Variants in OSTN observed in about 807,000 individuals in gnomAD.
OSTN encodes the protein osteocrin.
A neutral mutation model predicts 12.0 loss-of-function variants in OSTN; 9 were observed. The observed-to-expected ratio is 0.75, with a 90% CI of 0.45 to 1.30. The LOEUF is 1.30. Ranked by LOEUF, OSTN falls within the 50% of genes most tolerant of loss-of-function variation. OSTN has a pLI of 0.00. For synonymous variants in OSTN, 59 were observed against 56.9 expected (o/e 1.04, Z -0.16); for missense variants, 148 against 152.3 (o/e 0.97, Z 0.15).
At chr3:191,223,327 G>A (rs918052644) in intron 3 of OSTN, among the ~76,000 whole-genome samples, 1 of 152,216 alleles carries the variant, frequency 6.6e-6, no homozygotes, top group Non-Finnish European at 1.5e-5. Context: ...TCCTGAGGAA[G>A]CTAATACATG....
intron 2 of OSTN, among the ~76,000 whole-genome samples, chr3:191,213,860 G>A (rs916534655): frequency 1.3e-5 from 2 of 151,802 alleles, no homozygotes; most frequent in African/African-American, 4.8e-5. Context: ...GAGGATGCTT[G>A]GAAAGATAAA....
chr3:191,262,931 T>G lies in OSTN; in HGVS notation c.*78T>G, dbSNP rs1715845048. On this transcript the variant is annotated 3_prime_UTR_variant, in exon 5 of 5. Coordinates refer to ENST00000682035, the MANE Select transcript of OSTN (RefSeq NM_198184.2). ...ATGCTTCACTGAAGTTATTCACACTTCTTAATGATTAAACTTTTAAGGAAC... is the reference window on the plus strand; with the variant it reads ...ATGCTTCACTGAAGTTATTCACACTGCTTAATGATTAAACTTTTAAGGAAC... 1.4e-6 allele frequency: 1 copy of G among 700,206 alleles called. No homozygotes were observed. The highest frequency in any genetic ancestry group is 1.7e-5 in the African/African-American group (1 of 57,240). The allele number at this position is 700,206 out of a possible 1,614,324, so 43.4% of individuals were successfully genotyped here.
chr3:191,206,324 C>T lies in OSTN; in HGVS notation c.1-6209C>T, dbSNP rs1321487158. ...ATAAGCATATCAATTTAATTGGTAG[C>T]ATTGTTTTTTCTTAACATGTTCTTA... On this transcript the variant is annotated intron_variant, in intron 1 of 4. Transcript: ENST00000682035. 5.9e-5 allele frequency among the ~76,000 whole-genome samples: 9 copies of T among 152,148 alleles called. No individual in the cohort carries two copies. The East Asian group carries it at 1.5e-3, about 26-fold the overall frequency.
intron 4 of OSTN, among the ~76,000 whole-genome samples, chr3:191,250,952 A>T (rs1488368783): frequency 6.6e-6 from 1 of 152,174 alleles, no homozygotes; most frequent in East Asian, 1.9e-4. Context: ...TAAAGAGATC[A>T]GGCCTTATGG....
At chr3:191,221,391 A>G (rs377437480) in intron 3 of OSTN, among the ~76,000 whole-genome samples, 1 of 152,286 alleles carries the variant, frequency 6.6e-6, no homozygotes, top group East Asian at 1.9e-4. Context: ...TCAGAAGAAG[A>G]TAGGATAATA....
chr3:191,255,740 A>G (rs753336183), intron 4 of OSTN, among the ~76,000 whole-genome samples: 20 of 152,124 alleles, frequency 1.3e-4, no homozygotes, highest in Non-Finnish European at 2.5e-4. Flanking sequence ...GAAAAAAAAA[A>G]CAAAAATAAT....
intron 3 of OSTN, among the ~76,000 whole-genome samples, chr3:191,222,580 T>G (rs1714795183): frequency 6.6e-6 from 1 of 152,210 alleles, no homozygotes; most frequent in Non-Finnish European, 1.5e-5. Flanking sequence ...TTGTCTCAAA[T>G]GAACTTTGGA....
chr3:191,224,269 T>C (rs1326342047), intron 3 of OSTN, among the ~76,000 whole-genome samples: 1 of 151,122 alleles, frequency 6.6e-6, no homozygotes, highest in East Asian at 1.9e-4. Flanking sequence ...CCCAGCTACT[T>C]GGGAGGCTGA....
intron 1 of OSTN, among the ~76,000 whole-genome samples, chr3:191,208,818 G>T (rs1204379188): frequency 6.6e-6 from 1 of 152,182 alleles, no homozygotes; most frequent in Non-Finnish European, 1.5e-5. Context: ...AAAACATAAA[G>T]AATTGTAGTT....
At chr3:191,221,106 G>A (rs1044908350) in intron 3 of OSTN, among the ~76,000 whole-genome samples, 2 of 152,080 alleles carry the variant, frequency 1.3e-5, no homozygotes, top group East Asian at 1.9e-4. Flanking sequence ...TCTCCCTTTC[G>A]CTCTGCTCTT....
At chr3:191,258,004 A>G (rs1560126613) in intron 4 of OSTN, among the ~76,000 whole-genome samples, 1 of 152,232 alleles carries the variant, frequency 6.6e-6, no homozygotes. Flanking sequence ...GCCATAAGAC[A>G]GGTAAAACTC....
In OSTN at chr3:191,218,849, G is replaced by C. The variant is rs181134884; in HGVS notation, c.205G>C (p.Val69Leu). 2 of 1,614,080 alleles carry C rather than the reference G, an allele frequency of 1.2e-6. No individual in the cohort carries two copies. Among genetic ancestry groups the C allele is most frequent in the Non-Finnish European group, 1.7e-6 (2 of 1,179,986 alleles). The change falls in exon 3 of 5, where the codon GTG becomes CTG. Residue 69 changes from valine (V) to leucine (L), a missense_variant. Val to Leu is a conservative substitution (Grantham distance 32, BLOSUM62 1). Transcript: ENST00000682035. The part of the protein sequence containing the change: ...TAKLLLLDEL[V>L]SLENDVIETK... ...AAAACTCTTGCTTCTTGATGAATTG[G>C]TGTCCCTAGAAAATGATGTGATTGA...
chr3:191,262,798 T>C, intron 4 of OSTN, 68 bp from the exon 5 acceptor site: 1 of 693,536 alleles, frequency 1.4e-6, no homozygotes, highest in Non-Finnish European at 2.6e-6. Context: ...TCAAGTGAAG[T>C]TGATGGACTT....
At chr3:191,224,314 T>G (rs1222696109) in intron 3 of OSTN, among the ~76,000 whole-genome samples, 1 of 149,908 alleles carries the variant, frequency 6.7e-6, no homozygotes, top group Admixed American at 6.7e-5. Flanking sequence ...CAGCAGAGGT[T>G]GCAGTGAGCC....
At chr3:191,204,287 C>T (rs1453641340) in intron 1 of OSTN, among the ~76,000 whole-genome samples, 1 of 152,028 alleles carries the variant, frequency 6.6e-6, no homozygotes, top group African/African-American at 2.4e-5. Context: ...ATTCCCATTA[C>T]ACAATTTATT....
At chr3:191,222,538 A>AT (rs1296045124) in intron 3 of OSTN, among the ~76,000 whole-genome samples, 2 of 152,130 alleles carry the variant, frequency 1.3e-5, no homozygotes, top group Non-Finnish European at 2.9e-5. Flanking sequence ...TTTGCTTTTG[A>AT]TTTTCAGGCT....
intron 1 of OSTN, among the ~76,000 whole-genome samples, chr3:191,202,771 C>T (rs1002633073): frequency 6.6e-6 from 1 of 152,188 alleles, no homozygotes; most frequent in African/African-American, 2.4e-5. Flanking sequence ...ATATGTGCAA[C>T]TCTATTAGCT....
intron 3 of OSTN, among the ~76,000 whole-genome samples, chr3:191,227,223 G>A (rs1406935412): frequency 1.3e-5 from 2 of 152,128 alleles, no homozygotes; most frequent in African/African-American, 4.8e-5. Flanking sequence ...ATTGCCTTTA[G>A]CCATGTGAAA....
At chr3:191,255,662 T>A (rs1415695716) in intron 4 of OSTN, among the ~76,000 whole-genome samples, 1 of 151,960 alleles carries the variant, frequency 6.6e-6, no homozygotes, top group Non-Finnish European at 1.5e-5. Flanking sequence ...CAAATTTTGT[T>A]CACAAAAGTA....
Sources: allele counts gnomAD v4.1 joint callset (sites outside exome capture counted in the v4.1 genomes callset), GRCh38; gene constraint gnomAD v4.1.1; transcripts MANE v1.5; gene names NCBI Gene and HGNC (gene_info 2026-07-23, HGNC 2026-07-21).